Variants in RBFOX3 observed in about 807,000 individuals in gnomAD.
RBFOX3 encodes the protein RNA binding protein fox-1 homolog 3.
Under a neutral mutation model 48.7 loss-of-function variants are expected in RBFOX3, and 17 were observed. The ratio of observed to expected loss-of-function variants is 0.35; its 90% CI spans 0.24 to 0.52. The LOEUF (loss-of-function observed/expected upper bound fraction) is 0.52, where lower values mean the gene tolerates loss of function less well. Ranked by LOEUF, RBFOX3 falls within the 20% of genes least tolerant of loss-of-function variation. The pLI is 0.94. For synonymous variants in RBFOX3, 212 were observed against 209.5 expected, an observed-to-expected ratio of 1.01 and a Z score of -0.10; for missense variants, 382 against 497.5, an observed-to-expected ratio of 0.77 and a Z score of 2.21.
chr17:79,150,188 C>T (rs1022903328), intron 4 of RBFOX3, among the ~76,000 whole-genome samples: 16 of 151,666 alleles, frequency 1.1e-4, no homozygotes, highest in African/African-American at 3.2e-4. Flanking sequence ...CAGCGGTGGG[C>T]GGCAGCTGTG....
chr17:79,213,930 A>T (rs2058689286), intron 4 of RBFOX3, among the ~76,000 whole-genome samples: 1 of 152,206 alleles, frequency 6.6e-6, no homozygotes, highest in South Asian at 2.1e-4. Context: ...TGAGGATGTG[A>T]AGGAAGCCAA....
chr17:79,250,495 G>T (rs2063776548), intron 3 of RBFOX3, among the ~76,000 whole-genome samples: 1 of 152,076 alleles, frequency 6.6e-6, no homozygotes, highest in Admixed American at 6.5e-5. Flanking sequence ...CCTGATGAGG[G>T]CGCTTAAATG....
At position 79,284,532 on chromosome 17, in the gene RBFOX3, G is replaced by T. The variant is rs1473563949; in HGVS notation, c.-74+23192C>A. Among the ~76,000 whole-genome samples the T allele has an allele frequency of 8.8e-5, 11 of 125,062 alleles. No homozygotes were observed. The Admixed American group carries it at 9.8e-4, about 11-fold the overall frequency. 82.0% of individuals were successfully genotyped at this position (125,062 alleles called of 152,430 possible). A position where few individuals can be genotyped will look rare whatever the true frequency, so the allele number is the denominator to read the frequency against. Reference sequence around the variant, plus strand: ...GAGATGGCTGGAAGCAGGCTTGGGGGAAGAGACTCGCTTTTTTTTTTTGAC... The same window carrying T: ...GAGATGGCTGGAAGCAGGCTTGGGGTAAGAGACTCGCTTTTTTTTTTTGAC... On this transcript the variant is annotated intron_variant, in intron 3 of 14. Transcript: ENST00000693108.
the RBFOX3 span, among the ~76,000 whole-genome samples, chr17:79,625,962 G>T: frequency 2.6e-5 from 4 of 152,212 alleles, no homozygotes; most frequent in African/African-American, 9.7e-5. Context: ...GGGGGGACGA[G>T]GTGCTGTTTA....
At chr17:79,406,687 C>T (rs1019567430) in intron 2 of RBFOX3, among the ~76,000 whole-genome samples, 1 of 152,146 alleles carries the variant, frequency 6.6e-6, no homozygotes, top group Non-Finnish European at 1.5e-5. Context: ...CCAACATGAC[C>T]ACGTCGCATG....
At position 79,199,904 on chromosome 17, in the gene RBFOX3, T is replaced by C. The variant is rs1428855325; in HGVS notation, c.-34+35862A>G. 6.6e-6 allele frequency among the ~76,000 whole-genome samples: 1 copy of C among 152,206 alleles called. No individual in the cohort carries two copies. Among genetic ancestry groups the C allele is most frequent in the East Asian group, 1.9e-4 (1 of 5,192 alleles). On this transcript the variant is annotated intron_variant, in intron 4 of 14. Coordinates refer to ENST00000693108, the MANE Select transcript of RBFOX3 (RefSeq NM_001350451.2). The surrounding 1 kb of genome is among the most constrained non-coding windows in gnomAD (Gnocchi z 5.1). Reference sequence around the variant, plus strand: ...GGCCGGACGTGGTGGCTCACGCCTGTAATCCCAGCACTTTGGGAGGCCGAG... The same window carrying C: ...GGCCGGACGTGGTGGCTCACGCCTGCAATCCCAGCACTTTGGGAGGCCGAG...
At chr17:79,625,418 A>G in the RBFOX3 span, among the ~76,000 whole-genome samples, 4 of 152,144 alleles carry the variant, frequency 2.6e-5, no homozygotes, top group Non-Finnish European at 5.9e-5. Context: ...GTTGGTGTAC[A>G]TTTATCTCCA....
intron 4 of RBFOX3, among the ~76,000 whole-genome samples, chr17:79,152,725 G>T (rs1350364697): frequency 6.6e-6 from 1 of 152,204 alleles, no homozygotes; most frequent in African/African-American, 2.4e-5. Flanking sequence ...AGCTGTGGGG[G>T]GCACCGAAGC....
intron 2 of RBFOX3, among the ~76,000 whole-genome samples, chr17:79,370,653 C>T (rs117183340): frequency 0.01 from 1,594 of 152,286 alleles, 13 homozygotes; most frequent in Middle Eastern, 0.017. Flanking sequence ...CATATGTGTG[C>T]TCACTCACAC....
chr17:79,524,570 T>C (rs1021008984), intron 1 of RBFOX3, among the ~76,000 whole-genome samples: 1 of 152,274 alleles, frequency 6.6e-6, no homozygotes, highest in Non-Finnish European at 1.5e-5. Flanking sequence ...GTGGAAGCTC[T>C]TTCCTCCCTC....
intron 2 of RBFOX3, among the ~76,000 whole-genome samples, chr17:79,459,339 G>C (rs117064859): frequency 1.3e-5 from 2 of 152,152 alleles, no homozygotes; most frequent in Admixed American, 1.3e-4. Flanking sequence ...GGGCAGGGGC[G>C]GATGTGCAGA....
the RBFOX3 span, among the ~76,000 whole-genome samples, chr17:79,639,049 C>T: frequency 6.6e-6 from 1 of 152,178 alleles, no homozygotes; most frequent in Non-Finnish European, 1.5e-5. Context: ...AGCCCTGAAT[C>T]AAATGGCTTC....
the RBFOX3 span, among the ~76,000 whole-genome samples, chr17:79,652,530 G>T: frequency 5.8e-5 from 5 of 85,996 alleles, no homozygotes; most frequent in African/African-American, 2.2e-4. Context: ...GAGGGGAGGG[G>T]AGGGGGAAAA....
intron 2 of RBFOX3, among the ~76,000 whole-genome samples, chr17:79,465,449 C>A (rs962619751): frequency 6.6e-6 from 1 of 152,172 alleles, no homozygotes; most frequent in African/African-American, 2.4e-5. Context: ...CCCTGCCCAG[C>A]GAACAGATGG....
intron 2 of RBFOX3, among the ~76,000 whole-genome samples, chr17:79,440,808 A>T (rs2070742758): frequency 6.7e-6 from 1 of 149,356 alleles, no homozygotes; most frequent in Non-Finnish European, 1.5e-5. Flanking sequence ...CCTCATCAGC[A>T]TCCACACCCC....
At chr17:79,129,065 C>A (rs765454413) in intron 4 of RBFOX3, among the ~76,000 whole-genome samples, 1 of 152,120 alleles carries the variant, frequency 6.6e-6, no homozygotes, top group African/African-American at 2.4e-5. Context: ...GCTTCCATCA[C>A]TGAGTCCCCA....
At chr17:79,424,791 T>C (rs1320321445) in intron 2 of RBFOX3, among the ~76,000 whole-genome samples, 1 of 152,146 alleles carries the variant, frequency 6.6e-6, no homozygotes, top group Non-Finnish European at 1.5e-5. Flanking sequence ...TCCTCAAACC[T>C]GGCCTGCCTG....
the RBFOX3 span, among the ~76,000 whole-genome samples, chr17:79,646,966 G>C: frequency 6.6e-6 from 1 of 152,162 alleles, no homozygotes; most frequent in African/African-American, 2.4e-5. Context: ...TACAACTACA[G>C]CATCCCCAGC....
intron 1 of RBFOX3, among the ~76,000 whole-genome samples, chr17:79,531,834 T>C (rs1407599205): frequency 6.6e-6 from 1 of 152,168 alleles, no homozygotes; most frequent in Non-Finnish European, 1.5e-5. Flanking sequence ...TGCAAATCAA[T>C]CACGTTCTCC....
Sources: gnomAD v4.1 joint callset for allele counts (sites outside exome capture counted in the v4.1 genomes callset) on GRCh38, gnomAD v4.1.1 for gene constraint, Gnocchi (gnomAD v3.1) non-coding constraint, MANE v1.5 for transcripts, NCBI Gene and HGNC (gene_info 2026-07-23, HGNC 2026-07-21) for gene names.